The following WWOX variants were observed in gnomAD, a reference collection of about 807,000 sequenced individuals.
WWOX encodes the protein WW domain containing oxidoreductase.
Under a neutral mutation model 46.2 loss-of-function variants are expected in WWOX, and 69 were observed. The observed-to-expected ratio is 1.49, with a 90% CI of 1.23 to 1.82. The LOEUF is 1.82. Ranked by LOEUF, WWOX falls within the 40% of genes most tolerant of loss-of-function variation. The pLI, the probability that WWOX is intolerant of heterozygous loss-of-function variation, is 0.00. For missense variants in WWOX, 919 were observed against 542.6 expected (o/e 1.69, Z -6.89); for synonymous variants, 359 against 202.6 (o/e 1.77, Z -6.56).
At chr16:79,004,744 C>G (rs866319142) in intron 8 of WWOX, 1 of 152,322 alleles carries the variant, frequency 6.6e-6, no homozygotes, top group Middle Eastern at 3.4e-3. Context: ...GAAAGTCCAG[C>G]TGTGTATGCT....
intron 8 of WWOX, among the ~76,000 whole-genome samples, chr16:79,107,908 G>A (rs1441112377): frequency 2.0e-5 from 3 of 152,172 alleles, no homozygotes; most frequent in African/African-American, 7.2e-5. Flanking sequence ...TGGGGATTTT[G>A]GAAAATGATT....
At chr16:79,048,425 C>G (rs906825866) in intron 8 of WWOX, among the ~76,000 whole-genome samples, 2 of 152,004 alleles carry the variant, frequency 1.3e-5, no homozygotes, top group African/African-American at 2.4e-5. Context: ...TACCGTCCCC[C>G]GTGATGTAAT....
intron 8 of WWOX, among the ~76,000 whole-genome samples, chr16:78,702,020 T>C (rs1351635792): frequency 1.7e-5 from 2 of 117,226 alleles, no homozygotes; most frequent in Admixed American, 8.2e-5. Context: ...TATATATATA[T>C]ATATATATAT....
intron 5 of WWOX, among the ~76,000 whole-genome samples, chr16:78,324,592 C>T (rs1032876464): frequency 2.0e-5 from 3 of 151,960 alleles, no homozygotes; most frequent in Admixed American, 6.6e-5. Context: ...ATGGAATATT[C>T]CATTTTATAT....
intron 1 of WWOX, among the ~76,000 whole-genome samples, chr16:78,101,892 G>T (rs920522619): frequency 6.6e-6 from 1 of 152,178 alleles, no homozygotes; most frequent in South Asian, 2.1e-4. Context: ...AGTGACATGT[G>T]TAGGAGCGTC....
chr16:78,490,511 C>T (rs2084755263), intron 8 of WWOX, among the ~76,000 whole-genome samples: 2 of 152,142 alleles, frequency 1.3e-5, no homozygotes, highest in Admixed American at 1.3e-4. Context: ...AGGTCACGAA[C>T]ATGCGTTGTT....
chr16:78,780,647 TAAG>T (rs1276414673), intron 8 of WWOX, among the ~76,000 whole-genome samples: 5 of 152,144 alleles, frequency 3.3e-5, no homozygotes, highest in African/African-American at 1.2e-4. Context: ...TGTTTGAACT[TAAG>T]AATCAAAAAC....
At chr16:79,145,057 G>A (rs991993679) in intron 8 of WWOX, among the ~76,000 whole-genome samples, 7 of 152,174 alleles carry the variant, frequency 4.6e-5, no homozygotes, top group African/African-American at 1.4e-4. Context: ...GTAAGTGAGC[G>A]CGTTCTTGGA....
chr16:78,822,210 G>C (rs915608694), intron 8 of WWOX, among the ~76,000 whole-genome samples: 1 of 152,104 alleles, frequency 6.6e-6, no homozygotes, highest in African/African-American at 2.4e-5. Context: ...AAATCTACGT[G>C]AGGCCAGGTG....
At chr16:78,510,661 G>C (rs2085340105) in intron 8 of WWOX, among the ~76,000 whole-genome samples, 1 of 152,156 alleles carries the variant, frequency 6.6e-6, no homozygotes, top group Non-Finnish European at 1.5e-5. Context: ...TGGCTCTGTG[G>C]GATTTACAAT....
chr16:79,098,591 A>G (rs1280244381), intron 8 of WWOX, among the ~76,000 whole-genome samples: 1 of 152,242 alleles, frequency 6.6e-6, no homozygotes, highest in Non-Finnish European at 1.5e-5. Flanking sequence ...TTCCCTTGTA[A>G]TCACCTTAGC....
At chr16:78,366,157 A>G (rs1433168561) in intron 5 of WWOX, among the ~76,000 whole-genome samples, 1 of 152,222 alleles carries the variant, frequency 6.6e-6, no homozygotes, top group Non-Finnish European at 1.5e-5. Context: ...ATTTTTGGTA[A>G]ATTCCTAGAG....
intron 8 of WWOX, among the ~76,000 whole-genome samples, chr16:79,138,160 C>A (rs2050019529): frequency 6.6e-6 from 1 of 152,040 alleles, no homozygotes; most frequent in African/African-American, 2.4e-5. Context: ...TTCAAATGGT[C>A]CTTGATCATT....
At chr16:78,299,535 T>G (rs1476308805) in intron 5 of WWOX, among the ~76,000 whole-genome samples, 2 of 151,066 alleles carry the variant, frequency 1.3e-5, no homozygotes, top group Admixed American at 6.6e-5. Context: ...TTTTTTTTTT[T>G]GGAGACAGTG....
At chr16:78,561,237 T>C (rs879266974) in intron 8 of WWOX, among the ~76,000 whole-genome samples, 8 of 152,212 alleles carry the variant, frequency 5.3e-5, no homozygotes, top group Non-Finnish European at 1.2e-4. Flanking sequence ...CTCTTGTGCA[T>C]GGAGTCCCCT....
chr16:78,442,318 A>G (rs1185790193), intron 8 of WWOX, among the ~76,000 whole-genome samples: 1 of 152,072 alleles, frequency 6.6e-6, no homozygotes, highest in Non-Finnish European at 1.5e-5. Context: ...CAAGTATATA[A>G]TACGTTATTA....
At position 78,339,252 on chromosome 16, in the gene WWOX, T is replaced by G. The variant is rs4888782; in HGVS notation, c.517-47608T>G. Among the ~76,000 whole-genome samples, 4 of 116,408 alleles carry G rather than the reference T, an allele frequency of 3.4e-5. 1 individual carries two copies. Among genetic ancestry groups the G allele is most frequent in the Non-Finnish European group, 8.1e-5 (4 of 49,284 alleles). 76.4% of individuals were successfully genotyped at this position (116,408 alleles called of 152,430 possible). A position where few individuals can be genotyped will look rare whatever the true frequency, so the allele number is the denominator to read the frequency against. ...ATTATTTTTCTTTCCTGCACCTTAT[T>G]TTTTCCCTGGAGTTAATACTCATCT... is the stretch of plus-strand genomic sequence containing the variant. On this transcript the variant is annotated intron_variant, in intron 5 of 8. Transcript: ENST00000566780.
At chr16:78,613,232 A>G (rs1400664758) in intron 8 of WWOX, among the ~76,000 whole-genome samples, 1 of 152,120 alleles carries the variant, frequency 6.6e-6, no homozygotes, top group Non-Finnish European at 1.5e-5. Context: ...CCATTTCCTG[A>G]CATTCCCAAC....
At chr16:79,119,020 G>A (rs1299998136) in intron 8 of WWOX, among the ~76,000 whole-genome samples, 1 of 152,156 alleles carries the variant, frequency 6.6e-6, no homozygotes. Flanking sequence ...TTCCCATTAT[G>A]TCTTTAGGAT....
Sources: allele counts gnomAD v4.1 joint callset (sites outside exome capture counted in the v4.1 genomes callset), GRCh38; gene constraint gnomAD v4.1.1; transcripts MANE v1.5; gene names NCBI Gene and HGNC (gene_info 2026-07-23, HGNC 2026-07-21).